The following ZNF214 variants were observed in gnomAD, a reference collection of about 807,000 sequenced individuals.
ZNF214 encodes the protein BWSCR2-associated zinc finger protein 1.
ZNF214 carries 43 observed loss-of-function variants against 53.9 expected under a neutral mutation model. The ratio of observed to expected loss-of-function variants is 0.80; its 90% CI spans 0.63 to 1.03. The LOEUF is 1.03. ZNF214 is among the 50% of genes least tolerant of loss of function. ZNF214 has a pLI of 0.00. For synonymous variants in ZNF214, 217 were observed against 229.5 expected (o/e 0.95, Z 0.49); for missense variants, 724 against 719.1 (o/e 1.01, Z -0.08).
chr11:7,019,705 T>A (rs1243246774), intron 1 of ZNF214: 2 of 152,224 alleles, frequency 1.3e-5, no homozygotes, highest in Admixed American at 6.5e-5. Flanking sequence ...GGCATGAGCC[T>A]TTGCCACCCC....
intron 1 of ZNF214, among the ~76,000 whole-genome samples, chr11:7,013,840 A>G (rs1356592082): frequency 6.6e-6 from 1 of 152,218 alleles, no homozygotes; most frequent in African/African-American, 2.4e-5. Context: ...CCAGAAAGAA[A>G]AGGAAGGTTC....
At chr11:7,002,471 G>A (rs1434852123) in intron 2 of ZNF214, among the ~76,000 whole-genome samples, 1 of 151,946 alleles carries the variant, frequency 6.6e-6, no homozygotes, top group Admixed American at 6.6e-5. Flanking sequence ...GGAGATATGT[G>A]TTTTAAGGGT....
Position 6,997,246 on chromosome 11 carries a change from C to T in ZNF214, c.*2616G>A, listed in dbSNP as rs532482658. ...AATGAGTTTAAATTAGTGCACTTTTCACCTTTAAAAACATATTGTAGGTAC... is the reference window on the plus strand; with the variant it reads ...AATGAGTTTAAATTAGTGCACTTTTTACCTTTAAAAACATATTGTAGGTAC... On this transcript the variant is annotated 3_prime_UTR_variant, in exon 3 of 3. Coordinates refer to ENST00000278314, the MANE Select transcript of ZNF214 (RefSeq NM_013249.4). 1.0e-3 allele frequency among the ~76,000 whole-genome samples: 159 copies of T among 151,826 alleles called. 1 individual carries two copies. Among genetic ancestry groups the T allele is most frequent in the Non-Finnish European group, 1.8e-3 (123 of 67,804 alleles).
chr11:7,017,160 C>G (rs1361860857), intron 1 of ZNF214, among the ~76,000 whole-genome samples: 1 of 152,048 alleles, frequency 6.6e-6, no homozygotes, highest in Non-Finnish European at 1.5e-5. Flanking sequence ...GTGAAAAAGT[C>G]AACCCTACTA....
chr11:7,011,879 C>A (rs1337958233), intron 1 of ZNF214, among the ~76,000 whole-genome samples: 1 of 151,890 alleles, frequency 6.6e-6, no homozygotes, highest in African/African-American at 2.4e-5. Context: ...AGAAAAAAAA[C>A]CCTATCTTAA....
chr11:7,001,691 C>T (rs1412978722), intron 2 of ZNF214, 136 bp from the exon 3 acceptor site: 14 of 973,802 alleles, frequency 1.4e-5, no homozygotes, highest in Non-Finnish European at 2.0e-5. Context: ...ATGACTCTGC[C>T]TGCTCCATTT....
chr11:7,010,719 A>G (rs1851588584), intron 1 of ZNF214, among the ~76,000 whole-genome samples: 1 of 151,932 alleles, frequency 6.6e-6, no homozygotes, highest in African/African-American at 2.4e-5. Context: ...AATGATTGAG[A>G]AAATGCATAA....
At chr11:7,013,549 T>A (rs1266663027) in intron 1 of ZNF214, among the ~76,000 whole-genome samples, 1 of 152,220 alleles carries the variant, frequency 6.6e-6, no homozygotes, top group African/African-American at 2.4e-5. Context: ...GACCTCCACA[T>A]TCTCACCACC....
At chr11:7,002,558 G>T (rs1851378831) in intron 2 of ZNF214, 151 bp downstream of exon 2, 1 of 853,868 alleles carries the variant, frequency 1.2e-6, no homozygotes, top group East Asian at 3.0e-5. Context: ...AATCTGTCTT[G>T]CTTTATCTTC....
chr11:7,003,944 T>C (rs1185148910), intron 1 of ZNF214, among the ~76,000 whole-genome samples: 2 of 151,604 alleles, frequency 1.3e-5, no homozygotes, highest in Admixed American at 6.6e-5. Flanking sequence ...TTTAAATATA[T>C]AAATTAAAAA....
At chr11:7,015,347 G>A (rs1851736339) in intron 1 of ZNF214, among the ~76,000 whole-genome samples, 1 of 152,174 alleles carries the variant, frequency 6.6e-6, no homozygotes, top group Admixed American at 6.5e-5. Flanking sequence ...GGAGGCCAAG[G>A]TGGGCGGATC....
chr11:7,001,300 A>T lies in ZNF214; in HGVS notation c.383T>A (p.Leu128His), dbSNP rs1156525. The change falls in exon 3 of 3, where the codon CTC (leucine) becomes CAC (histidine). Residue 128 changes from leucine to histidine, a missense_variant. Coordinates refer to ENST00000278314, the MANE Select transcript of ZNF214 (RefSeq NM_013249.4). ...AAAATTTTTATATTTTAAGTTCCTG[A>T]GACTTTTGCTTTCAAAAGTCAGTTC... ...NYELTFESKS[L>H]RNLKYKNFMP... 998,505 of 1,612,838 alleles carry T rather than the reference A, an allele frequency of 0.62. 312,567 individuals carry two copies. The highest frequency in any genetic ancestry group is 0.71 in the East Asian group (31,877 of 44,852).
intron 1 of ZNF214, among the ~76,000 whole-genome samples, chr11:7,018,954 A>G (rs1283043615): frequency 2.0e-5 from 3 of 152,146 alleles, no homozygotes; most frequent in Admixed American, 6.5e-5. Flanking sequence ...TTTCACAGGC[A>G]AGCGAGGAAC....
rs146837555 is a variant in ZNF214 at position 6,999,944 on chromosome 11, T to A, written c.1739A>T (p.Lys580Ile). The change falls in exon 3 of 3, where the codon AAA becomes ATA. Residue 580 changes from lysine (K) to isoleucine (I), a missense_variant. Coordinates refer to ENST00000278314, the MANE Select transcript of ZNF214 (RefSeq NM_013249.4). ...ATAATATTCACGGCATTTGTAAGGT[T>A]TCTCTCCTGCATGGACTCTTTGATG... is the stretch of plus-strand genomic sequence containing the variant. ...RIHQRVHAGE[K>I]PYKCREYYKG... The A allele has an allele frequency of 6.8e-5, 110 of 1,612,968 alleles. No homozygotes were observed. Among genetic ancestry groups the A allele is most frequent in the Middle Eastern group, 6.6e-4 (4 of 6,080 alleles).
chr11:7,017,552 C>T (rs935164476), intron 1 of ZNF214, among the ~76,000 whole-genome samples: 4 of 152,074 alleles, frequency 2.6e-5, no homozygotes, highest in Non-Finnish European at 5.9e-5. Flanking sequence ...GCCTGGGCAA[C>T]ACGGTGAAAC....
intron 1 of ZNF214, among the ~76,000 whole-genome samples, chr11:7,015,346 G>A (rs2119468956): frequency 6.6e-6 from 1 of 152,296 alleles, no homozygotes. Context: ...GGGAGGCCAA[G>A]GTGGGCGGAT....
chr11:7,012,453 A>C (rs900346651), intron 1 of ZNF214, among the ~76,000 whole-genome samples: 3 of 152,196 alleles, frequency 2.0e-5, no homozygotes, highest in African/African-American at 7.2e-5. Flanking sequence ...ATTAATGAAA[A>C]AAAAGATGGA....
Position 7,001,054 on chromosome 11 carries a change from A to C in ZNF214, c.629T>G (p.Leu210Arg), listed in dbSNP as rs778772180. Residue 210 changes from leucine (L) to arginine (R), a missense_variant, in exon 3 of 3, where the codon CTG becomes CGG. Transcript: ENST00000278314. ...GTACTTTTCTTCCATTGAATCTCTCAGTAGGTCTTCTTGACATATCACCCC... is the reference window on the plus strand; with the variant it reads ...GTACTTTTCTTCCATTGAATCTCTCCGTAGGTCTTCTTGACATATCACCCC... ...YVGVICQEDL[L>R]RDSMEEKYCG... The C allele has an allele frequency of 2.5e-6, 4 of 1,613,198 alleles. No homozygotes were observed. The Admixed American group carries it at 6.7e-5, about 27-fold the overall frequency.
Position 7,000,345 on chromosome 11 carries a change from G to A in ZNF214, c.1338C>T (p.Asp446=). 1 of 1,613,206 alleles carries A rather than the reference G, an allele frequency of 6.2e-7. No homozygotes were observed. The highest frequency in any genetic ancestry group is 8.5e-7 in the Non-Finnish European group (1 of 1,179,546). The change falls in exon 3 of 3, where the codon GAC becomes GAT. Residue 446 remains aspartate, a synonymous_variant. Transcript: ENST00000278314. ...HTGEKPYKCD[D]CGKDFSHSSD... The stretch of plus-strand genomic sequence containing the variant: ...AGCTGTGACTAAAGTCCTTTCCACA[G>A]TCATCACATTTATAAGGTTTCTCTC...
Sources: allele counts gnomAD v4.1 joint callset (sites outside exome capture counted in the v4.1 genomes callset), GRCh38; gene constraint gnomAD v4.1.1; transcripts MANE v1.5; gene names NCBI Gene and HGNC (gene_info 2026-07-23, HGNC 2026-07-21).